The following NFATC2 variants were observed in gnomAD, a reference collection of about 807,000 sequenced individuals.
NFATC2 encodes nuclear factor of activated T-cells, cytoplasmic 2.
A neutral mutation model predicts 87.3 loss-of-function variants in NFATC2; 22 were observed. That is an observed-to-expected ratio of 0.25 (90% CI 0.18 to 0.36). NFATC2 has a LOEUF of 0.36. Ranked by LOEUF, NFATC2 falls within the 10% of genes least tolerant of loss-of-function variation. The probability of loss-of-function intolerance (pLI) is 1.00; values close to 1 mark genes in which losing one functional copy is unlikely to be tolerated. For synonymous variants in NFATC2, 565 were observed against 542.2 expected (o/e 1.04, Z -0.58); for missense variants, 1,149 against 1,259.1 (o/e 0.91, Z 1.32).
At chr20:51,552,783 A>G (rs2076945098) in intron 1 of NFATC2, among the ~76,000 whole-genome samples, 1 of 152,090 alleles carries the variant, frequency 6.6e-6, no homozygotes, top group Non-Finnish European at 1.5e-5. Context: ...CCAGTAATTT[A>G]TTTTTAATCT....
chr20:51,475,034 T>C (rs919253384), intron 4 of NFATC2, among the ~76,000 whole-genome samples: 1 of 150,304 alleles, frequency 6.7e-6, no homozygotes, highest in East Asian at 2.0e-4. Context: ...AGTAGTGTGA[T>C]CTCGGCTCAC....
Position 51,516,766 on chromosome 20 carries a change from G to A in NFATC2, c.1332+18C>T, listed in dbSNP as rs755252794. 6 of 1,575,420 alleles carry A rather than the reference G, an allele frequency of 3.8e-6. No individual in the cohort carries two copies. The highest frequency in any genetic ancestry group is 5.2e-6 in the Non-Finnish European group (6 of 1,158,524). On this transcript the variant is annotated intron_variant, in intron 3 of 10. Coordinates refer to ENST00000371564, the MANE Select transcript of NFATC2 (RefSeq NM_012340.5). ...TGACAAACACCACACACAAAAGGAAGAGCATTCAAGTCCATACCTGAACCA... is the reference window on the plus strand; with the variant it reads ...TGACAAACACCACACACAAAAGGAAAAGCATTCAAGTCCATACCTGAACCA...
intron 2 of NFATC2, among the ~76,000 whole-genome samples, chr20:51,521,886 C>A (rs1479768236): frequency 6.6e-6 from 1 of 152,122 alleles, no homozygotes; most frequent in African/African-American, 2.4e-5. Flanking sequence ...CCACTGTATC[C>A]ATGGGTTCTG....
intron 3 of NFATC2, among the ~76,000 whole-genome samples, chr20:51,476,006 A>G (rs1034391391): frequency 1.3e-5 from 2 of 152,116 alleles, no homozygotes; most frequent in African/African-American, 2.4e-5. Flanking sequence ...CTGCAAATAA[A>G]CTGAAAGGAC....
At chr20:51,414,250 A>G (rs1280132691) in intron 9 of NFATC2, among the ~76,000 whole-genome samples, 1 of 152,172 alleles carries the variant, frequency 6.6e-6, no homozygotes, top group African/African-American at 2.4e-5. Flanking sequence ...AGACTCGAGC[A>G]AGGGAGAAAA....
intron 9 of NFATC2, among the ~76,000 whole-genome samples, chr20:51,412,972 G>T (rs1157831990): frequency 6.9e-5 from 1 of 14,410 alleles, no homozygotes; most frequent in Admixed American, 6.8e-4. Flanking sequence ...ACCGACCCCG[G>T]CCCCCCCATC....
chr20:51,551,982 A>C (rs1213613731), intron 1 of NFATC2, among the ~76,000 whole-genome samples: 3 of 151,682 alleles, frequency 2.0e-5, no homozygotes, highest in Non-Finnish European at 4.4e-5. Context: ...AGCTGAGATC[A>C]CGCCACTGCA....
intron 5 of NFATC2, among the ~76,000 whole-genome samples, chr20:51,463,113 G>C (rs544285670): frequency 2.6e-4 from 39 of 152,348 alleles, no homozygotes; most frequent in Admixed American, 2.5e-3. Context: ...GGCCTGGCTT[G>C]GCCCAGAATG....
chr20:51,498,216 G>A (rs920914267), intron 3 of NFATC2, among the ~76,000 whole-genome samples: 3 of 152,072 alleles, frequency 2.0e-5, no homozygotes, highest in South Asian at 2.1e-4. Flanking sequence ...AGCCGCCTAC[G>A]CCAGCACATC....
At chr20:51,396,597 T>C (rs1226438386) in intron 10 of NFATC2, among the ~76,000 whole-genome samples, 1 of 152,136 alleles carries the variant, frequency 6.6e-6, no homozygotes, top group Non-Finnish European at 1.5e-5. Context: ...ACAAAGGCCA[T>C]GGCCAGAAAG....
At position 51,478,114 on chromosome 20, in the gene NFATC2, C is replaced by G. The variant is rs76045199; in HGVS notation, c.1333-2454G>C. Among the ~76,000 whole-genome samples the G allele has an allele frequency of 7.0e-3, 1,064 of 152,246 alleles. 11 individuals are homozygous for G. The highest frequency in any genetic ancestry group is 0.025 in the African/African-American group (1,033 of 41,538). ...TGGGAGTGGAACTGTGCTAGATGAT[C>G]ACCTTTTTTCATAACCTGCCAGACA... On this transcript the variant is annotated intron_variant, in intron 3 of 10. Coordinates refer to ENST00000371564, the MANE Select transcript of NFATC2 (RefSeq NM_012340.5).
intron 5 of NFATC2, among the ~76,000 whole-genome samples, chr20:51,472,135 A>T (rs559593623): frequency 1.1e-4 from 17 of 152,286 alleles, no homozygotes; most frequent in Admixed American, 5.9e-4. Flanking sequence ...GGTGCCTGTA[A>T]TCCCAGTTAC....
At chr20:51,405,523 T>C (rs545316183) in intron 9 of NFATC2, among the ~76,000 whole-genome samples, 1 of 152,352 alleles carries the variant, frequency 6.6e-6, no homozygotes, top group African/African-American at 2.4e-5. Context: ...TCATAGGCAC[T>C]GCCTTTCAGC....
rs776726177 is a variant in NFATC2 at position 51,391,476 on chromosome 20, G to GA, written c.*45-26_*45-25insT. On this transcript the variant is annotated intron_variant, in intron 10 of 10. Coordinates refer to ENST00000371564, the MANE Select transcript of NFATC2 (RefSeq NM_012340.5). ...ACTACAAAAGAAAAGAGGAGGGGGG[G>GA]GGAGAGAGAATGGGGCAAGTGAGAG... The GA allele has an allele frequency of 1.3e-5, 20 of 1,585,370 alleles. 1 individual carries two copies. Among genetic ancestry groups the GA allele is most frequent in the South Asian group, 1.0e-4 (9 of 90,416 alleles).
intron 6 of NFATC2, among the ~76,000 whole-genome samples, chr20:51,442,980 G>T (rs1187811965): frequency 6.6e-6 from 1 of 152,064 alleles, no homozygotes; most frequent in Non-Finnish European, 1.5e-5. Flanking sequence ...ACTGAGGTGG[G>T]GACCCAGCCT....
chr20:51,528,265 T>C (rs1184790220), intron 1 of NFATC2, among the ~76,000 whole-genome samples: 1 of 152,054 alleles, frequency 6.6e-6, no homozygotes, highest in African/African-American at 2.4e-5. Flanking sequence ...TGGGATACAG[T>C]ATAGCTACAA....
chr20:51,418,111 G>A lies in NFATC2; in HGVS notation c.2722+13956C>T, dbSNP rs6096424. Among the ~76,000 whole-genome samples, 1,118 of 152,282 alleles carry A rather than the reference G, an allele frequency of 7.3e-3. 8 individuals carry two copies. Among genetic ancestry groups the A allele is most frequent in the African/African-American group, 0.025 (1,054 of 41,538 alleles). On this transcript the variant is annotated intron_variant, in intron 9 of 10. Transcript: ENST00000371564. Reference sequence around the variant, plus strand: ...CTGGGTGCTGTACTAGGGAACAGGCGGTGCCATGGGGAGACACTAGTTCCC... The same window carrying A: ...CTGGGTGCTGTACTAGGGAACAGGCAGTGCCATGGGGAGACACTAGTTCCC...
chr20:51,531,240 C>T (rs1464666238), intron 1 of NFATC2, among the ~76,000 whole-genome samples: 2 of 152,246 alleles, frequency 1.3e-5, no homozygotes, highest in African/African-American at 4.8e-5. Flanking sequence ...GGCCTGCGCA[C>T]AGCAGAGGCC....
At chr20:51,493,789 G>A (rs1490203111) in intron 3 of NFATC2, among the ~76,000 whole-genome samples, 1 of 152,180 alleles carries the variant, frequency 6.6e-6, no homozygotes, top group East Asian at 1.9e-4. Context: ...CATGTCCCCA[G>A]AGAGCTGCTC....
Sources: gnomAD v4.1 joint callset for allele counts (sites outside exome capture counted in the v4.1 genomes callset) on GRCh38, gnomAD v4.1.1 for gene constraint, MANE v1.5 for transcripts, NCBI Gene and HGNC (gene_info 2026-07-23, HGNC 2026-07-21) for gene names.